KCNAB3: variants seen among roughly 807,000 people sequenced by gnomAD.
The protein encoded by KCNAB3 is potassium voltage-gated channel subfamily A regulatory beta subunit 3, also known as voltage-gated potassium channel subunit beta-3.
Under a neutral mutation model 67.7 loss-of-function variants are expected in KCNAB3, and 62 were observed. That is an observed-to-expected ratio of 0.92 (90% confidence interval 0.75 to 1.13). The LOEUF is 1.13. KCNAB3 is among the 50% of genes most tolerant of loss of function. KCNAB3 has a pLI of 0.00. For synonymous variants in KCNAB3, 212 were observed against 205.4 expected (o/e 1.03, Z -0.27); for missense variants, 514 against 522.9 (o/e 0.98, Z 0.17).
At position 7,922,176 on chromosome 17, in the gene KCNAB3, CA is replaced by C. The variant is rs1972059124; in HGVS notation, c.*925del. On this transcript the variant is annotated 3_prime_UTR_variant, in exon 14 of 14. Coordinates refer to ENST00000303790, the MANE Select transcript of KCNAB3 (RefSeq NM_004732.4). ...CCTCCCAAGCCCCTGCAACTTTAGA[CA>C]CTGTGAGGATCAAGCTGAGGTTTAT... is the stretch of plus-strand genomic sequence containing the variant. The C allele has an allele frequency of 6.6e-6, 1 of 152,190 alleles. No individual in the cohort carries two copies. The highest frequency in any genetic ancestry group is 1.5e-5 in the Non-Finnish European group (1 of 68,068). The allele number at this position is 152,190 out of a possible 1,614,324, so 9.4% of individuals were successfully genotyped here. A position where few individuals can be genotyped will look rare whatever the true frequency, so the allele number is the denominator to read the frequency against.
chr17:7,927,760 C>T, intron 2 of KCNAB3, 23 bp downstream of exon 2: 2 of 1,614,184 alleles, frequency 1.2e-6, no homozygotes, highest in Admixed American at 1.7e-5. Context: ...GCCCTCCTTT[C>T]CTTAATCCCT....
rs779318394 is a variant in KCNAB3, at chr17:7,923,845, AGAATC to A, written c.928-19_928-15del. 381 of 1,566,308 alleles carry A rather than the reference AGAATC, an allele frequency of 2.4e-4. No individual in the cohort carries two copies. Among genetic ancestry groups the A allele is most frequent in the Non-Finnish European group, 3.2e-4 (370 of 1,155,740 alleles). On this transcript the variant is annotated splice_polypyrimidine_tract_variant and intron_variant, in intron 11 of 13. Transcript: ENST00000303790. The stretch of plus-strand genomic sequence containing the variant: ...CCACTGGTAGCCCTGGAGGCCAAGA[AGAATC>A]AACAGAAGACCCCGCCATCACCACC...
rs759847639 is a variant in KCNAB3, at chr17:7,927,399, C to CT, written c.348dup (p.Ala117SerfsTer3). On this transcript the variant is annotated frameshift_variant, in exon 4 of 14. Transcript: ENST00000303790. LOFTEE classifies it high-confidence loss of function. Reference sequence around the variant, plus strand: ...AACAGGTTTACACCATGCTCATAGGCTACAGTCAGCACATCCTCTGCTGTC... The same window carrying CT: ...AACAGGTTTACACCATGCTCATAGGCTTACAGTCAGCACATCCTCTGCTGTC... The CT allele has an allele frequency of 6.2e-7, 1 of 1,613,984 alleles. No individual in the cohort carries two copies. Among genetic ancestry groups the CT allele is most frequent in the Admixed American group, 1.7e-5 (1 of 60,026 alleles).
In KCNAB3 at chr17:7,923,311, C is replaced by G. The variant is rs150432535; in HGVS notation, c.1138-132G>C. 84 of 1,253,924 alleles carry G rather than the reference C, an allele frequency of 6.7e-5. No individual in the cohort carries two copies. In the African/African-American group the frequency reaches 1.0e-3, roughly 16 times the overall value. The allele number at this position is 1,253,924 out of a possible 1,614,324, so 77.7% of individuals were successfully genotyped here. A position where few individuals can be genotyped will look rare whatever the true frequency, so the allele number is the denominator to read the frequency against. Reference sequence around the variant, plus strand: ...GCAAGAGCCGCAGCTGTGCCGGTGCCTCGCTTTCCGGCCCTGGGACCTCTC... The same window carrying G: ...GCAAGAGCCGCAGCTGTGCCGGTGCGTCGCTTTCCGGCCCTGGGACCTCTC... On this transcript the variant is annotated intron_variant, in intron 13 of 13. Coordinates refer to ENST00000303790, the MANE Select transcript of KCNAB3 (RefSeq NM_004732.4).
chr17:7,924,698 G>A (rs1940877597), intron 8 of KCNAB3, 198 bp from the exon 9 acceptor site: 1 of 1,359,990 alleles, frequency 7.4e-7, no homozygotes, highest in Admixed American at 3.4e-5. Context: ...GGCCTTCTGA[G>A]CAGGGGCTGG....
At position 7,923,704 on chromosome 17, in the gene KCNAB3, G is replaced by T; in HGVS notation, c.1048+7C>A. On this transcript the variant is annotated splice_region_variant and intron_variant, in intron 12 of 13. Transcript: ENST00000303790. Reference sequence around the variant, plus strand: ...AGACAGGGCCCCTGCAGGGTGCAATGTCTCACCAATAGCAAGCTGGGCCAC... The same window carrying T: ...AGACAGGGCCCCTGCAGGGTGCAATTTCTCACCAATAGCAAGCTGGGCCAC... The T allele has an allele frequency of 6.4e-7, 1 of 1,557,580 alleles. No homozygotes were observed.
In KCNAB3 at chr17:7,923,398, T is replaced by A. The variant is rs1972109531; in HGVS notation, c.1137+58A>T. On this transcript the variant is annotated intron_variant, in intron 13 of 13. Coordinates refer to ENST00000303790, the MANE Select transcript of KCNAB3 (RefSeq NM_004732.4). ...TAGAGCCATCCTGGGTTGGATAGCG[T>A]GGCTTTGACTCCTGGGGAGGGGGAC... 3 of 1,529,080 alleles carry A rather than the reference T, an allele frequency of 2.0e-6. No homozygotes were observed. The South Asian group carries it at 3.5e-5, about 18-fold the overall frequency. 94.7% of individuals were successfully genotyped at this position (1,529,080 alleles called of 1,614,324 possible).
In KCNAB3 at chr17:7,929,069, A is replaced by G. The variant is rs1972334595; in HGVS notation, c.242+125T>C. ...AAGTGAGGGAGTGCCAGAGACAGAA[A>G]GAAGAGATGGAAAGAAGGGAGACCT... is the stretch of plus-strand genomic sequence containing the variant. On this transcript the variant is annotated intron_variant, in intron 1 of 13. Coordinates refer to ENST00000303790, the MANE Select transcript of KCNAB3 (RefSeq NM_004732.4). The surrounding 1 kb of genome is among the most constrained non-coding windows in gnomAD (Gnocchi z 5.7). 2.1e-6 allele frequency: 3 copies of G among 1,399,446 alleles called. No individual in the cohort carries two copies. Among genetic ancestry groups the G allele is most frequent in the Non-Finnish European group, 2.9e-6 (3 of 1,043,018 alleles). The allele number at this position is 1,399,446 out of a possible 1,614,324, so 86.7% of individuals were successfully genotyped here.
At chr17:7,923,203 G>A (rs760560734) in intron 13 of KCNAB3, 24 bp from the exon 14 acceptor site, 3 of 1,608,726 alleles carry the variant, frequency 1.9e-6, no homozygotes, top group East Asian at 2.2e-5. Context: ...GGACGGTGGC[G>A]ACGGCAGCCC....
intron 1 of KCNAB3, among the ~76,000 whole-genome samples, chr17:7,928,651 C>T (rs919168009): frequency 2.6e-5 from 4 of 152,340 alleles, no homozygotes; most frequent in Middle Eastern, 3.4e-3. Context: ...AAGTCAGTTA[C>T]ATTTCAGTCT....
In KCNAB3 at chr17:7,929,498, G is replaced by T; in HGVS notation, c.-63C>A. 6.5e-7 allele frequency: 1 copy of T among 1,536,754 alleles called. No homozygotes were observed. The highest frequency in any genetic ancestry group is 8.8e-7 in the Non-Finnish European group (1 of 1,142,294). ...ACGGGAGGGGGGAGCAGGGAAGCCCGAGGGCTGACGACCGGGGGCGTAGTG... is the reference window on the plus strand; with the variant it reads ...ACGGGAGGGGGGAGCAGGGAAGCCCTAGGGCTGACGACCGGGGGCGTAGTG... On this transcript the variant is annotated 5_prime_UTR_variant, in exon 1 of 14. Transcript: ENST00000303790. The surrounding 1 kb of genome is among the most constrained non-coding windows in gnomAD (Gnocchi z 5.7).
intron 3 of KCNAB3, 47 bp from the exon 4 acceptor site, chr17:7,927,470 C>T (rs1290828046): frequency 6.3e-7 from 1 of 1,576,678 alleles, no homozygotes; most frequent in African/African-American, 1.3e-5. Flanking sequence ...CCTCAGTTAC[C>T]TCCCTCACTG....
In KCNAB3 at chr17:7,929,835, G is replaced by GGTTCTTT; in HGVS notation, c.-401_-400insAAAGAAC. ...TGCGGGACCCGCTGGGCTCCCAGCC[G>GGTTCTTT]CGTCGGCAGCGGGCCCAGCTCATCA... On this transcript the variant is annotated 5_prime_UTR_variant, in exon 1 of 14. Transcript: ENST00000303790. This position sits in a 1 kb window ranked among gnomAD's most constrained non-coding sequence, Gnocchi z 5.7. 2 of 1,029,892 alleles carry GGTTCTTT rather than the reference G, an allele frequency of 1.9e-6. No individual in the cohort carries two copies. Among genetic ancestry groups the GGTTCTTT allele is most frequent in the Admixed American group, 5.5e-5 (1 of 18,138 alleles). 63.8% of individuals were successfully genotyped at this position (1,029,892 alleles called of 1,614,324 possible). A position where few individuals can be genotyped will look rare whatever the true frequency, so the allele number is the denominator to read the frequency against.
At chr17:7,927,619 A>AC (rs768023230) in intron 3 of KCNAB3, 38 bp downstream of exon 3, 3 of 1,611,976 alleles carry the variant, frequency 1.9e-6, no homozygotes, top group Non-Finnish European at 2.5e-6. Context: ...AAGTTCCCTC[A>AC]CCCCCACCAC....
intron 8 of KCNAB3, chr17:7,924,737 C>T: frequency 7.6e-7 from 1 of 1,308,484 alleles, no homozygotes; most frequent in South Asian, 2.2e-5. Flanking sequence ...AGGAAGTGCT[C>T]AATTTTTGTA....
At position 7,925,122 on chromosome 17, in the gene KCNAB3, G is replaced by A. The variant is rs1213405028; in HGVS notation, c.600C>T (p.Arg200=). The A allele has an allele frequency of 1.9e-6, 3 of 1,613,832 alleles. No individual in the cohort carries two copies. Among genetic ancestry groups the A allele is most frequent in the East Asian group, 2.2e-5 (1 of 44,870 alleles). Residue 200 remains arginine, a synonymous_variant, in exon 8 of 14, where the codon CGC becomes CGT. Transcript: ENST00000303790. The part of the protein sequence containing the change: ...LGYVDIVFAN[R]SDPNCPMEEI... Reference sequence around the variant, plus strand: ...CCTCCATAGGACAGTTGGGGTCTGAGCGATTGGCAAAGACAATGTCCACGT... The same window carrying A: ...CCTCCATAGGACAGTTGGGGTCTGAACGATTGGCAAAGACAATGTCCACGT...
At chr17:7,927,460 C>T (rs1216929562) in intron 3 of KCNAB3, 37 bp from the exon 4 acceptor site, 8 of 1,587,436 alleles carry the variant, frequency 5.0e-6, no homozygotes, top group Non-Finnish European at 6.1e-6. Flanking sequence ...AACTACTGCT[C>T]CTCAGTTACC....
rs1598030302 is a variant in KCNAB3 at position 7,922,172 on chromosome 17, T to C, written c.*930A>G. On this transcript the variant is annotated 3_prime_UTR_variant, in exon 14 of 14. Transcript: ENST00000303790. ...CTAACCTCCCAAGCCCCTGCAACTTTAGACACTGTGAGGATCAAGCTGAGG... is the reference window on the plus strand; with the variant it reads ...CTAACCTCCCAAGCCCCTGCAACTTCAGACACTGTGAGGATCAAGCTGAGG... The C allele has an allele frequency of 6.6e-6, 1 of 152,190 alleles. No individual in the cohort carries two copies. Among genetic ancestry groups the C allele is most frequent in the Admixed American group, 6.5e-5 (1 of 15,276 alleles). The allele number at this position is 152,190 out of a possible 1,614,324, so 9.4% of individuals were successfully genotyped here.
At chr17:7,927,865 C>A in intron 1 of KCNAB3, 39 bp from the exon 2 acceptor site, 1 of 1,612,536 alleles carries the variant, frequency 6.2e-7, no homozygotes. Flanking sequence ...GTGGAGCCTC[C>A]ATTATGGACT....
Sources: allele counts gnomAD v4.1 joint callset (sites outside exome capture counted in the v4.1 genomes callset), GRCh38; gene constraint gnomAD v4.1.1; non-coding constraint Gnocchi (gnomAD v3.1); transcripts MANE v1.5; gene names NCBI Gene and HGNC (gene_info 2026-07-23, HGNC 2026-07-21).